Variants in KCNAB1 observed in about 807,000 individuals in gnomAD.
KCNAB1 encodes potassium voltage-gated channel subfamily A regulatory beta subunit 1.
In KCNAB1, 35 loss-of-function variants were observed where a neutral mutation model predicts 64.6. That is an observed-to-expected ratio of 0.54 (90% CI 0.41 to 0.72). The LOEUF is 0.72. KCNAB1 is among the 30% of genes least tolerant of loss of function. KCNAB1 has a pLI of 0.00. For missense variants in KCNAB1, 401 were observed against 512.9 expected, an observed-to-expected ratio of 0.78 and a Z score of 2.11; for synonymous variants, 177 against 183.8, an observed-to-expected ratio of 0.96 and a Z score of 0.30.
At chr3:156,360,636 G>A (rs1238075773) in intron 1 of KCNAB1, among the ~76,000 whole-genome samples, 1 of 151,814 alleles carries the variant, frequency 6.6e-6, no homozygotes, top group Non-Finnish European at 1.5e-5. Flanking sequence ...CATTGCTTGA[G>A]CCCAAGAGGT....
intron 2 of KCNAB1, among the ~76,000 whole-genome samples, chr3:156,428,142 GT>G (rs1715952712): frequency 6.6e-6 from 1 of 152,180 alleles, no homozygotes; most frequent in Non-Finnish European, 1.5e-5. Flanking sequence ...CTACGAGGGT[GT>G]TTTGGAATGA....
intron 1 of KCNAB1, among the ~76,000 whole-genome samples, chr3:156,326,865 C>T (rs1460552646): frequency 2.0e-5 from 3 of 152,082 alleles, no homozygotes; most frequent in African/African-American, 7.2e-5. Flanking sequence ...ATAGCGTTGA[C>T]CACTACTTGG....
chr3:156,482,749 A>T (rs6764502), intron 8 of KCNAB1, among the ~76,000 whole-genome samples: 64,015 of 151,806 alleles, frequency 0.42, 13,760 homozygotes, highest in South Asian at 0.53. Context: ...TATTGTGAGG[A>T]TTATTTGAGA....
intron 1 of KCNAB1, among the ~76,000 whole-genome samples, chr3:156,205,425 A>C (rs1430664816): frequency 6.6e-6 from 1 of 152,206 alleles, no homozygotes; most frequent in Non-Finnish European, 1.5e-5. Flanking sequence ...TGGAAGCTTC[A>C]GGTGTAATAG....
chr3:156,155,358 G>A (rs772139205), intron 1 of KCNAB1, among the ~76,000 whole-genome samples: 24 of 152,078 alleles, frequency 1.6e-4, no homozygotes, highest in Non-Finnish European at 2.5e-4. Flanking sequence ...ATTCTAGTGG[G>A]GACGTGCCAG....
chr3:156,521,665 C>A (rs373218196), intron 11 of KCNAB1, among the ~76,000 whole-genome samples: 2 of 152,310 alleles, frequency 1.3e-5, no homozygotes, highest in East Asian at 3.9e-4. Context: ...CACAACCACA[C>A]CCACCTCCAA....
At chr3:156,372,879 T>C (rs1002198692) in intron 1 of KCNAB1, among the ~76,000 whole-genome samples, 2 of 152,208 alleles carry the variant, frequency 1.3e-5, no homozygotes, top group African/African-American at 2.4e-5. Context: ...AAATGATGAC[T>C]TGATGAACAC....
At chr3:156,377,671 G>A (rs1195770273) in intron 1 of KCNAB1, among the ~76,000 whole-genome samples, 1 of 152,138 alleles carries the variant, frequency 6.6e-6, no homozygotes, top group Non-Finnish European at 1.5e-5. Flanking sequence ...CCTATTGTGA[G>A]TTGGAAAGAG....
chr3:156,402,879 T>C (rs921354908), intron 1 of KCNAB1, among the ~76,000 whole-genome samples: 1 of 152,188 alleles, frequency 6.6e-6, no homozygotes, highest in Middle Eastern at 3.2e-3. Flanking sequence ...TTTCAGGAAA[T>C]GTTTTAATAT....
chr3:156,361,924 T>C (rs777797751), intron 1 of KCNAB1, among the ~76,000 whole-genome samples: 15 of 152,180 alleles, frequency 9.9e-5, no homozygotes, highest in Non-Finnish European at 1.8e-4. Flanking sequence ...CCTCCCAAAG[T>C]GTTGGGATTA....
At chr3:156,288,601 C>T (rs554134366) in intron 1 of KCNAB1, among the ~76,000 whole-genome samples, 25 of 152,280 alleles carry the variant, frequency 1.6e-4, no homozygotes, top group East Asian at 1.5e-3. Context: ...AAGGGGAGCA[C>T]GGCTGGGGGA....
chr3:156,230,118 T>C (rs555975229), intron 1 of KCNAB1, among the ~76,000 whole-genome samples: 1 of 152,304 alleles, frequency 6.6e-6, no homozygotes, highest in Non-Finnish European at 1.5e-5. Flanking sequence ...CAGTTTTAAG[T>C]TTCTTAATGG....
chr3:156,292,155 G>C (rs755293695), intron 1 of KCNAB1: 2 of 1,611,128 alleles, frequency 1.2e-6, no homozygotes, highest in Non-Finnish European at 1.7e-6. Context: ...CCCTCTGTGC[G>C]GGGTATCCAG....
At chr3:156,402,695 T>A (rs1447248220) in intron 1 of KCNAB1, among the ~76,000 whole-genome samples, 3 of 152,204 alleles carry the variant, frequency 2.0e-5, no homozygotes, top group African/African-American at 7.2e-5. Context: ...CAGTGGCCTA[T>A]GTAAAATGCC....
intron 1 of KCNAB1, among the ~76,000 whole-genome samples, chr3:156,355,741 T>C (rs1440808328): frequency 6.6e-6 from 1 of 152,210 alleles, no homozygotes; most frequent in African/African-American, 2.4e-5. Context: ...CGATTTTGAA[T>C]CTTCAGAGTA....
At chr3:156,389,489 G>C (rs560486203) in intron 1 of KCNAB1, among the ~76,000 whole-genome samples, 1 of 152,300 alleles carries the variant, frequency 6.6e-6, no homozygotes, top group East Asian at 1.9e-4. Flanking sequence ...TGCCACCCCA[G>C]ATCCCATGTA....
chr3:156,424,640 T>C (rs1715696359), intron 2 of KCNAB1, among the ~76,000 whole-genome samples: 1 of 152,178 alleles, frequency 6.6e-6, no homozygotes, highest in Non-Finnish European at 1.5e-5. Context: ...GTGTCTACGG[T>C]GGAAAATAGT....
intron 1 of KCNAB1, chr3:156,215,410 T>C (rs1212208219): frequency 6.6e-6 from 1 of 152,230 alleles, no homozygotes; most frequent in African/African-American, 2.4e-5. Context: ...TTAAAATCTG[T>C]TGGGGAATTA....
rs570945523 is a variant in KCNAB1, at chr3:156,203,513, T to C, written c.275+82627T>C. 5.1e-4 allele frequency among the ~76,000 whole-genome samples: 78 copies of C among 152,320 alleles called. 1 individual carries two copies. The highest frequency in any genetic ancestry group is 4.8e-3 in the Admixed American group (74 of 15,300). On this transcript the variant is annotated intron_variant, in intron 1 of 13. Coordinates refer to ENST00000490337, the MANE Select transcript of KCNAB1 (RefSeq NM_172160.3). ...GTTTTCCCCAACTATAAAATGTGAA[T>C]AGTAATAAAAATAATAATACTTGCT...
Sources: gnomAD v4.1 joint callset for allele counts (sites outside exome capture counted in the v4.1 genomes callset) on GRCh38, gnomAD v4.1.1 for gene constraint, MANE v1.5 for transcripts, NCBI Gene and HGNC (gene_info 2026-07-23, HGNC 2026-07-21) for gene names.